RFTN2: variants seen among roughly 807,000 people sequenced by gnomAD.
RFTN2 encodes raftlin-2.
RFTN2 carries 34 observed loss-of-function variants against 52.7 expected under a neutral mutation model. The ratio of observed to expected loss-of-function variants is 0.64; its 90% CI spans 0.49 to 0.86. The LOEUF (loss-of-function observed/expected upper bound fraction) is 0.86. Among genes scored for constraint, RFTN2 ranks in the 40% least tolerant of loss-of-function variants. The probability of loss-of-function intolerance (pLI) is 0.00; values close to 1 mark genes in which losing one functional copy is unlikely to be tolerated. For synonymous variants in RFTN2, 203 were observed against 217.7 expected (o/e 0.93, Z 0.59); for missense variants, 536 against 600.1 (o/e 0.89, Z 1.12).
chr2:197,616,275 T>TTTATTTATTTTA (rs1553601957), intron 6 of RFTN2, among the ~76,000 whole-genome samples: 3 of 61,502 alleles, frequency 4.9e-5, no homozygotes, highest in African/African-American at 2.3e-4. Flanking sequence ...CTGCATTTTA[T>TTTATTTATTTTA]TTTATTTTAT....
chr2:197,640,267 T>G (rs1346109806), intron 3 of RFTN2, among the ~76,000 whole-genome samples: 1 of 152,094 alleles, frequency 6.6e-6, no homozygotes, highest in African/African-American at 2.4e-5. Context: ...CTCCACCCAG[T>G]TGGAGCTTCC....
intron 6 of RFTN2, 149 bp from the exon 7 acceptor site, chr2:197,616,128 C>T (rs2088137036): frequency 5.5e-6 from 3 of 549,490 alleles, no homozygotes; most frequent in South Asian, 4.8e-5. Context: ...CTGCTTCCTT[C>T]TGATAATTGA....
intron 6 of RFTN2, among the ~76,000 whole-genome samples, chr2:197,616,274 A>ATTTATTTTATTTT (rs879732758): frequency 0.56 from 62,082 of 109,904 alleles, 17,319 homozygotes; most frequent in Middle Eastern, 0.71. Context: ...TCTGCATTTT[A>ATTTATTTTATTTT]TTTTATTTTA....
intron 5 of RFTN2, among the ~76,000 whole-genome samples, chr2:197,630,268 T>G (rs2088446699): frequency 6.6e-6 from 1 of 152,218 alleles, no homozygotes; most frequent in Admixed American, 6.5e-5. Context: ...TTGCTTTTCA[T>G]TCTTTCCTCT....
chr2:197,587,220 C>T (rs559466962), intron 8 of RFTN2, among the ~76,000 whole-genome samples: 33 of 152,214 alleles, frequency 2.2e-4, no homozygotes, highest in African/African-American at 7.7e-4. Context: ...TAGGTTCCCA[C>T]GCTGCCCCTA....
At chr2:197,606,179 A>G (rs1007211323) in intron 7 of RFTN2, among the ~76,000 whole-genome samples, 4 of 152,148 alleles carry the variant, frequency 2.6e-5, no homozygotes, top group Non-Finnish European at 5.9e-5. Flanking sequence ...TCTTGGGGAC[A>G]TATCACTCCC....
chr2:197,666,698 T>G (rs2089067727), intron 1 of RFTN2, among the ~76,000 whole-genome samples: 3 of 152,262 alleles, frequency 2.0e-5, no homozygotes, highest in African/African-American at 7.2e-5. Context: ...AGTTTTCACC[T>G]ATTATTTCAT....
intron 8 of RFTN2, among the ~76,000 whole-genome samples, chr2:197,590,226 T>A (rs1002560405): frequency 1.3e-5 from 2 of 152,094 alleles, no homozygotes; most frequent in Non-Finnish European, 2.9e-5. Context: ...TTTGCCTAAC[T>A]CCACTTGACA....
chr2:197,642,766 T>C (rs922940700), intron 3 of RFTN2, among the ~76,000 whole-genome samples: 1 of 152,116 alleles, frequency 6.6e-6, no homozygotes, highest in African/African-American at 2.4e-5. Flanking sequence ...GTAGGATCGA[T>C]TGAGCCCAGG....
chr2:197,647,228 T>C (rs1230675887), intron 1 of RFTN2, among the ~76,000 whole-genome samples: 1 of 152,158 alleles, frequency 6.6e-6, no homozygotes, highest in Non-Finnish European at 1.5e-5. Context: ...TTTCTTTTCT[T>C]TTTTTCTTTT....
At chr2:197,672,111 G>T (rs2089155005) in intron 1 of RFTN2, among the ~76,000 whole-genome samples, 2 of 152,094 alleles carry the variant, frequency 1.3e-5, no homozygotes, top group African/African-American at 4.8e-5. Context: ...TACAGTGAAA[G>T]AAATCATTAC....
At chr2:197,617,103 T>A (rs894933626) in intron 6 of RFTN2, among the ~76,000 whole-genome samples, 1 of 152,170 alleles carries the variant, frequency 6.6e-6, no homozygotes, top group African/African-American at 2.4e-5. Flanking sequence ...CTTTTGGATA[T>A]TTTTGCCTTT....
intron 7 of RFTN2, among the ~76,000 whole-genome samples, chr2:197,603,700 A>G (rs536029531): frequency 6.6e-6 from 1 of 152,254 alleles, no homozygotes; most frequent in East Asian, 1.9e-4. Context: ...GGATCTCTGG[A>G]GGTCAGGAGT....
rs3833573 is a variant in RFTN2 at position 197,630,897 on chromosome 2, TA to T, written c.928+113del. The stretch of plus-strand genomic sequence containing the variant: ...GTGTAACAGCTGGAATTTATTTCCT[TA>T]GGAATGGTATCTGTCCTTTCAGCCA... On this transcript the variant is annotated intron_variant, in intron 5 of 8. Coordinates refer to ENST00000295049, the MANE Select transcript of RFTN2 (RefSeq NM_144629.3). The T allele has an allele frequency of 4.9e-4, 351 of 723,688 alleles. 1 individual carries two copies. In the East Asian group the frequency reaches 9.0e-3, roughly 19 times the overall value. 44.8% of individuals were successfully genotyped at this position (723,688 alleles called of 1,614,324 possible).
chr2:197,627,192 G>A (rs1051144921), intron 5 of RFTN2, among the ~76,000 whole-genome samples: 12 of 151,924 alleles, frequency 7.9e-5, no homozygotes, highest in Non-Finnish European at 1.3e-4. Context: ...GTGTTTCTCC[G>A]GCCTAGAATG....
intron 8 of RFTN2, among the ~76,000 whole-genome samples, chr2:197,574,029 G>T (rs998338167): frequency 2.1e-4 from 32 of 152,352 alleles, no homozygotes; most frequent in Middle Eastern, 3.4e-3. Flanking sequence ...CCCTAATGGA[G>T]AACCTTGCTA....
intron 3 of RFTN2, among the ~76,000 whole-genome samples, chr2:197,641,279 G>A (rs754159191): frequency 2.0e-5 from 3 of 152,210 alleles, no homozygotes; most frequent in South Asian, 4.1e-4. Context: ...GGGAGAGAGT[G>A]TGGGTGTGTG....
chr2:197,664,712 G>T (rs1474411478), intron 1 of RFTN2, among the ~76,000 whole-genome samples: 1 of 152,100 alleles, frequency 6.6e-6, no homozygotes, highest in Non-Finnish European at 1.5e-5. Flanking sequence ...TTGAGCCTGG[G>T]AGGTCAAGGT....
chr2:197,643,561 A>G (rs1240165326), intron 3 of RFTN2, among the ~76,000 whole-genome samples: 2 of 152,058 alleles, frequency 1.3e-5, no homozygotes, highest in Non-Finnish European at 2.9e-5. Flanking sequence ...TTTGCTGTCC[A>G]TTGTCTCTCT....
Sources: allele counts gnomAD v4.1 joint callset (sites outside exome capture counted in the v4.1 genomes callset), GRCh38; gene constraint gnomAD v4.1.1; transcripts MANE v1.5; gene names NCBI Gene and HGNC (gene_info 2026-07-23, HGNC 2026-07-21).